The following NRG1 variants were observed in gnomAD, a reference collection of about 807,000 sequenced individuals.
NRG1 encodes the protein pro-neuregulin-1, membrane-bound isoform.
Under a neutral mutation model 63.8 loss-of-function variants are expected in NRG1, and 18 were observed. The observed-to-expected ratio is 0.28, with a 90% confidence interval of 0.19 to 0.42. NRG1 has a LOEUF of 0.42. Among genes scored for constraint, NRG1 ranks in the 10% least tolerant of loss-of-function variants. The pLI, the probability that NRG1 is intolerant of heterozygous loss-of-function variation, is 1.00. For missense variants in NRG1, 762 were observed against 814.7 expected (o/e 0.94, Z 0.79); for synonymous variants, 302 against 301.3 (o/e 1.00, Z -0.02).
At chr8:31,986,646 G>A (rs559261779) in intron 1 of NRG1, among the ~76,000 whole-genome samples, 82 of 152,208 alleles carry the variant, frequency 5.4e-4, no homozygotes, top group African/African-American at 1.9e-3. Context: ...AATAAGAAAA[G>A]TAGATTTGTG....
At chr8:31,727,706 G>A (rs1358612800) in intron 1 of NRG1, among the ~76,000 whole-genome samples, 2 of 152,142 alleles carry the variant, frequency 1.3e-5, no homozygotes, top group Non-Finnish European at 2.9e-5. Context: ...ATGCCCCAGT[G>A]AATGCCTGAA....
chr8:32,396,075 G>C (rs1047854090), intron 1 of NRG1, among the ~76,000 whole-genome samples: 2 of 151,984 alleles, frequency 1.3e-5, no homozygotes, highest in East Asian at 3.9e-4. Context: ...CTGTTCTATT[G>C]ATCTATATAT....
chr8:32,686,506 G>T (rs1423045283), intron 5 of NRG1, among the ~76,000 whole-genome samples: 2 of 152,188 alleles, frequency 1.3e-5, no homozygotes, highest in Non-Finnish European at 2.9e-5. Context: ...GAGGAGAAAA[G>T]TGCTTCTTCA....
chr8:32,086,927 C>T (rs1195111168), intron 1 of NRG1, among the ~76,000 whole-genome samples: 1 of 152,146 alleles, frequency 6.6e-6, no homozygotes, highest in African/African-American at 2.4e-5. Context: ...TAACACTTTA[C>T]ATTTTAAGTG....
chr8:32,433,383 T>C (rs894315520), intron 1 of NRG1, among the ~76,000 whole-genome samples: 1 of 152,138 alleles, frequency 6.6e-6, no homozygotes, highest in Non-Finnish European at 1.5e-5. Context: ...ACTAGGTATG[T>C]CCAGTAGCAG....
At chr8:32,027,176 G>A (rs1426674123) in intron 1 of NRG1, among the ~76,000 whole-genome samples, 1 of 152,062 alleles carries the variant, frequency 6.6e-6, no homozygotes, top group East Asian at 1.9e-4. Flanking sequence ...GTTGGTTCAT[G>A]AGTTTGTGAG....
At chr8:32,326,136 A>G (rs1233648805) in intron 1 of NRG1, among the ~76,000 whole-genome samples, 1 of 151,420 alleles carries the variant, frequency 6.6e-6, no homozygotes, top group Non-Finnish European at 1.5e-5. Flanking sequence ...CAGCCTCCTG[A>G]GTAGCTGCGA....
intron 1 of NRG1, among the ~76,000 whole-genome samples, chr8:31,965,391 T>G (rs935738715): frequency 6.6e-5 from 10 of 152,166 alleles, no homozygotes; most frequent in African/African-American, 2.4e-4. Context: ...CCCAGGTAAT[T>G]TTTGTATTTT....
chr8:32,100,072 AG>A (rs1411136791), intron 1 of NRG1, among the ~76,000 whole-genome samples: 1 of 151,904 alleles, frequency 6.6e-6, no homozygotes, highest in Non-Finnish European at 1.5e-5. Flanking sequence ...CCCTTCTTCC[AG>A]CTCTTCTCCT....
In NRG1 at chr8:31,765,366, T is replaced by C. The variant is rs144349663; in HGVS notation, c.37+125935T>C. ...GGACTGGCTAGAACTTCCAGTACTA[T>C]ATTGAATAAAAGCAGTGAGAGCAGA... On this transcript the variant is annotated intron_variant, in intron 1 of 10. Coordinates refer to the NRG1 transcript ENST00000519301. Among the ~76,000 whole-genome samples, 10 of 152,290 alleles carry C rather than the reference T, an allele frequency of 6.6e-5. No individual in the cohort carries two copies. The East Asian group carries it at 1.9e-3, about 29-fold the overall frequency.
At chr8:31,737,924 T>G (rs1447889182) in intron 1 of NRG1, among the ~76,000 whole-genome samples, 1 of 152,134 alleles carries the variant, frequency 6.6e-6, no homozygotes, top group African/African-American at 2.4e-5. Flanking sequence ...TCTGTTTAAT[T>G]TTTTTATAGC....
At chr8:32,220,209 G>A (rs1240952351) in intron 1 of NRG1, among the ~76,000 whole-genome samples, 1 of 152,156 alleles carries the variant, frequency 6.6e-6, no homozygotes, top group Non-Finnish European at 1.5e-5. Flanking sequence ...GACTTACCAG[G>A]AGACAATTGT....
chr8:31,967,262 C>T (rs535586375), intron 1 of NRG1, among the ~76,000 whole-genome samples: 27 of 152,282 alleles, frequency 1.8e-4, no homozygotes, highest in African/African-American at 6.0e-4. Flanking sequence ...TCTCCCCTCC[C>T]TCCTCCACGC....
chr8:32,758,551 G>A (rs991550905), intron 9 of NRG1, among the ~76,000 whole-genome samples: 6 of 120,004 alleles, frequency 5.0e-5, no homozygotes, highest in African/African-American at 1.9e-4. Context: ...TCTCCAGCCT[G>A]GGCAACAGAG....
At chr8:32,217,103 T>C (rs1407004473) in intron 1 of NRG1, among the ~76,000 whole-genome samples, 1 of 151,044 alleles carries the variant, frequency 6.6e-6, no homozygotes, top group Non-Finnish European at 1.5e-5. Flanking sequence ...ATCCCAGCTA[T>C]TTTGGAGGCT....
At chr8:31,739,431 T>C (rs1034643073) in intron 1 of NRG1, among the ~76,000 whole-genome samples, 1 of 152,256 alleles carries the variant, frequency 6.6e-6, no homozygotes, top group East Asian at 1.9e-4. Context: ...ATATTTTCTT[T>C]CAGGTTATTT....
At chr8:32,159,216 A>G (rs1005974840) in intron 1 of NRG1, among the ~76,000 whole-genome samples, 5 of 152,186 alleles carry the variant, frequency 3.3e-5, no homozygotes, top group Admixed American at 6.5e-5. Flanking sequence ...TCTAAAGTAC[A>G]TTGATTGTTT....
At chr8:31,987,747 T>A (rs1235611402) in intron 1 of NRG1, among the ~76,000 whole-genome samples, 1 of 151,594 alleles carries the variant, frequency 6.6e-6, no homozygotes, top group East Asian at 1.9e-4. Context: ...ACCTAAAAGT[T>A]GGAAGGAAAA....
chr8:32,460,288 C>T (rs936052110), intron 1 of NRG1, among the ~76,000 whole-genome samples: 1 of 152,182 alleles, frequency 6.6e-6, no homozygotes, highest in African/African-American at 2.4e-5. Flanking sequence ...CTGTATATAA[C>T]TACTTCATTT....
Sources: gnomAD v4.1 joint callset for allele counts (sites outside exome capture counted in the v4.1 genomes callset) on GRCh38, gnomAD v4.1.1 for gene constraint, MANE v1.5 for transcripts, NCBI Gene and HGNC (gene_info 2026-07-23, HGNC 2026-07-21) for gene names.